ANO4: variants seen among roughly 807,000 people sequenced by gnomAD.
ANO4 encodes anoctamin-4.
ANO4 carries 69 observed loss-of-function variants against 141.9 expected under a neutral mutation model. The ratio of observed to expected loss-of-function variants is 0.49; its 90% CI spans 0.40 to 0.59. The LOEUF is 0.59. Ranked by LOEUF, ANO4 falls within the 20% of genes least tolerant of loss-of-function variation. ANO4 has a pLI of 0.00. For synonymous variants in ANO4, 350 were observed against 394.3 expected (o/e 0.89, Z 1.33); for missense variants, 894 against 1,162.2 (o/e 0.77, Z 3.36).
At chr12:101,080,878 A>ATATAT (rs2049224851) in intron 15 of ANO4, among the ~76,000 whole-genome samples, 1 of 100,048 alleles carries the variant, frequency 1.0e-5, no homozygotes. Flanking sequence ...ATATATATAT[A>ATATAT]TATATTATAT....
At chr12:100,991,513 T>TAAAAAAAAAAAAA (rs59975425) in intron 8 of ANO4, among the ~76,000 whole-genome samples, 6 of 111,128 alleles carry the variant, frequency 5.4e-5, no homozygotes, top group East Asian at 2.8e-4. Flanking sequence ...ATGAAAATAG[T>TAAAAAAAAAAAAA]AAAAAAAAAA....
At chr12:101,030,950 A>G (rs2046950213) in intron 9 of ANO4, among the ~76,000 whole-genome samples, 1 of 152,308 alleles carries the variant, frequency 6.6e-6, no homozygotes, top group Non-Finnish European at 1.5e-5. Context: ...TTAGTAGCCT[A>G]CCCACCAAAA....
intron 1 of ANO4, among the ~76,000 whole-genome samples, chr12:100,860,597 T>G (rs2038418072): frequency 6.6e-6 from 1 of 152,200 alleles, no homozygotes; most frequent in South Asian, 2.1e-4. Flanking sequence ...CCTATGTCTC[T>G]GTCCTGTCTA....
intron 14 of ANO4, among the ~76,000 whole-genome samples, chr12:101,069,533 C>A (rs966077043): frequency 4.6e-5 from 7 of 152,132 alleles, no homozygotes; most frequent in Admixed American, 2.0e-4. Context: ...GAGACATATG[C>A]CTTCTGGAAA....
At chr12:101,067,817 G>A (rs1282795612) in intron 14 of ANO4, among the ~76,000 whole-genome samples, 1 of 152,190 alleles carries the variant, frequency 6.6e-6, no homozygotes, top group Non-Finnish European at 1.5e-5. Context: ...TGAAGAATCT[G>A]TCCAAATGAC....
At chr12:101,032,911 G>A (rs1235707761) in intron 9 of ANO4, among the ~76,000 whole-genome samples, 13 of 151,336 alleles carry the variant, frequency 8.6e-5, no homozygotes, top group Non-Finnish European at 1.9e-4. Flanking sequence ...TCAGTGTGGC[G>A]ATTCCTCAGG....
chr12:100,975,413 T>G (rs1466416649), intron 7 of ANO4, among the ~76,000 whole-genome samples: 2 of 144,232 alleles, frequency 1.4e-5, no homozygotes, highest in Non-Finnish European at 3.1e-5. Flanking sequence ...TTTTTTCTTT[T>G]TCTTTCTTTC....
intron 2 of ANO4, among the ~76,000 whole-genome samples, chr12:100,739,188 TAA>T (rs2031756877): frequency 1.3e-5 from 2 of 150,832 alleles, no homozygotes; most frequent in South Asian, 4.2e-4. Context: ...ATTTTGTGTA[TAA>T]GTGAGATCAT....
At chr12:101,103,182 T>TA (rs1385727252) in intron 22 of ANO4, among the ~76,000 whole-genome samples, 3,115 of 9,924 alleles carry the variant, frequency 0.31, 682 homozygotes, top group Non-Finnish European at 0.36. Context: ...TTTTAGTCAT[T>TA]TTATATATAT....
At chr12:101,082,736 G>GCT (rs949272266) in intron 15 of ANO4, among the ~76,000 whole-genome samples, 2 of 151,540 alleles carry the variant, frequency 1.3e-5, no homozygotes, top group African/African-American at 4.9e-5. Flanking sequence ...GCCAAACTGG[G>GCT]CTCTCTCTCC....
intron 4 of ANO4, 37 bp from the exon 5 acceptor site, chr12:100,942,340 G>A (rs1373603311): frequency 6.3e-7 from 1 of 1,585,278 alleles, no homozygotes; most frequent in Admixed American, 1.9e-5. Flanking sequence ...TCAATTTGAT[G>A]AATGACTTAA....
At chr12:101,101,083 G>A (rs895648810) in intron 22 of ANO4, among the ~76,000 whole-genome samples, 1 of 152,162 alleles carries the variant, frequency 6.6e-6, no homozygotes, top group Non-Finnish European at 1.5e-5. Flanking sequence ...TCAGAAAGTG[G>A]CTGGTCTGCA....
At chr12:100,949,830 A>G (rs371704428) in intron 5 of ANO4, among the ~76,000 whole-genome samples, 1 of 152,200 alleles carries the variant, frequency 6.6e-6, no homozygotes, top group East Asian at 1.9e-4. Context: ...TCATCTGGGT[A>G]TAAAGTTATA....
intron 1 of ANO4, among the ~76,000 whole-genome samples, chr12:100,892,630 G>A (rs1392805030): frequency 1.3e-5 from 2 of 152,088 alleles, no homozygotes; most frequent in Non-Finnish European, 2.9e-5. Context: ...ACATGAAATA[G>A]CAAAGTATTT....
intron 3 of ANO4, among the ~76,000 whole-genome samples, chr12:100,937,797 G>A (rs1038526078): frequency 5.3e-5 from 8 of 152,190 alleles, no homozygotes; most frequent in East Asian, 3.9e-4. Context: ...AAAGCCACCC[G>A]CGTTTCTTGG....
At chr12:101,006,405 C>T (rs1282781654) in intron 8 of ANO4, among the ~76,000 whole-genome samples, 1 of 152,212 alleles carries the variant, frequency 6.6e-6, no homozygotes, top group Non-Finnish European at 1.5e-5. Context: ...TTGACTATTG[C>T]TTCTTTCTTA....
intron 3 of ANO4, among the ~76,000 whole-genome samples, chr12:100,750,298 AT>A (rs1174885460): frequency 0.01 from 1,354 of 135,250 alleles, 7 homozygotes; most frequent in African/African-American, 0.018. Flanking sequence ...CACCTGGCTA[AT>A]TTTTTTTTTT....
At chr12:101,042,244 C>T (rs907692490) in intron 11 of ANO4, 90 bp from the exon 12 acceptor site, 130 of 1,517,656 alleles carry the variant, frequency 8.6e-5, no homozygotes, top group South Asian at 4.6e-4. Context: ...CTCGTAAGGC[C>T]GCTACAAAGT....
In ANO4 at chr12:100,884,339, A is replaced by G. The variant is rs2039718402; in HGVS notation, c.-140-17307A>G. Among the ~76,000 whole-genome samples, 3 of 152,194 alleles carry G rather than the reference A, an allele frequency of 2.0e-5. No homozygotes were observed. In the South Asian group the frequency reaches 6.2e-4, roughly 32 times the overall value. On this transcript the variant is annotated intron_variant, in intron 1 of 27. Transcript: ENST00000392977. ...TAAGGAAATTAAATATCGATTAAGG[A>G]AATTCAGACAGGGCAGCTTCACAGT...
Sources: allele counts gnomAD v4.1 joint callset (sites outside exome capture counted in the v4.1 genomes callset), GRCh38; gene constraint gnomAD v4.1.1; transcripts MANE v1.5; gene names NCBI Gene and HGNC (gene_info 2026-07-23, HGNC 2026-07-21).